NCKAP1: variants seen among roughly 807,000 people sequenced by gnomAD.
The protein encoded by NCKAP1 is nck-associated protein 1.
NCKAP1 carries 21 observed loss-of-function variants against 151.2 expected under a neutral mutation model. The ratio of observed to expected loss-of-function variants is 0.14; its 90% CI spans 0.10 to 0.20. The LOEUF (loss-of-function observed/expected upper bound fraction) is 0.20, where lower values mean the gene tolerates loss of function less well. NCKAP1 is among the 10% of genes least tolerant of loss of function. The probability of loss-of-function intolerance (pLI) is 1.00; values close to 1 mark genes in which losing one functional copy is unlikely to be tolerated. For missense variants in NCKAP1, 933 were observed against 1,352.1 expected, an observed-to-expected ratio of 0.69 and a Z score of 4.86; for synonymous variants, 484 against 451.8, an observed-to-expected ratio of 1.07 and a Z score of -0.90.
chr2:183,035,304 A>G (rs988840383), intron 1 of NCKAP1, among the ~76,000 whole-genome samples: 4 of 152,186 alleles, frequency 2.6e-5, no homozygotes, highest in Non-Finnish European at 5.9e-5. Flanking sequence ...AACATTCTTC[A>G]GTAATCATGC....
chr2:182,956,783 C>T (rs546056515), intron 19 of NCKAP1, 190 bp from the exon 20 acceptor site: 148 of 514,946 alleles, frequency 2.9e-4, no homozygotes, highest in African/African-American at 2.5e-3. Flanking sequence ...CTAAAGATGG[C>T]GTCATTTGTT....
intron 2 of NCKAP1, among the ~76,000 whole-genome samples, chr2:183,009,475 G>GAAGGAAGGAAGC (rs1485338665): frequency 0.034 from 3,350 of 99,512 alleles, 111 homozygotes; most frequent in East Asian, 0.064. Flanking sequence ...AGGAAGGAAG[G>GAAGGAAGGAAGC]AAGCAAGCAA....
At chr2:182,989,250 T>A in intron 8 of NCKAP1, 64 bp from the exon 9 acceptor site, 1 of 1,366,434 alleles carries the variant, frequency 7.3e-7, no homozygotes, top group Non-Finnish European at 1.0e-6. Flanking sequence ...TTGGTGACAG[T>A]GTAGCTTTTG....
chr2:183,001,011 C>T (rs755882345), intron 6 of NCKAP1, among the ~76,000 whole-genome samples: 10 of 152,278 alleles, frequency 6.6e-5, no homozygotes, highest in Non-Finnish European at 8.8e-5. Context: ...AGGAGAATCA[C>T]GAGCCCGGGA....
rs1040687697 is a variant in NCKAP1, at chr2:183,023,735, A to C, written c.219+71T>G. The C allele has an allele frequency of 1.1e-5, 13 of 1,192,594 alleles. No homozygotes were observed. In the Middle Eastern group the frequency reaches 7.8e-4, roughly 71 times the overall value. 73.9% of individuals were successfully genotyped at this position (1,192,594 alleles called of 1,614,324 possible). A position where few individuals can be genotyped will look rare whatever the true frequency, so the allele number is the denominator to read the frequency against. ...AATTAGGTAAATAAGAGCTACTATA[A>C]GCACTGTGTTGACCACTGTTTCTCT... is the stretch of plus-strand genomic sequence containing the variant. On this transcript the variant is annotated intron_variant, in intron 2 of 30. Transcript: ENST00000361354.
At position 182,921,544 on chromosome 2, in the gene NCKAP1, A is replaced by T. The variant is rs140911030; in HGVS notation, c.*4158T>A. On this transcript the variant is annotated 3_prime_UTR_variant, in exon 31 of 31. Transcript: ENST00000361354. The stretch of plus-strand genomic sequence containing the variant: ...AGGTGACCAAGATGCACCTGCACCA[A>T]GAGCACCAAGAGGATTGTCTCAATC... 2 of 152,374 alleles carry T rather than the reference A, an allele frequency of 1.3e-5. No homozygotes were observed. The highest frequency in any genetic ancestry group is 1.3e-4 in the Admixed American group (2 of 15,298). 9.4% of individuals were successfully genotyped at this position (152,374 alleles called of 1,614,324 possible). A position where few individuals can be genotyped will look rare whatever the true frequency, so the allele number is the denominator to read the frequency against.
intron 2 of NCKAP1, among the ~76,000 whole-genome samples, chr2:183,009,421 GGGAAGGAAGGAAGGAA>G (rs1168445882): frequency 4.1e-4 from 34 of 82,574 alleles, no homozygotes; most frequent in East Asian, 1.6e-3. Context: ...AAAGAGGGAA[GGGAAGGAAGGAAGGAA>G]GGAAGGAAGG....
intron 12 of NCKAP1, among the ~76,000 whole-genome samples, chr2:182,981,983 T>G (rs1384374696): frequency 5.4e-5 from 8 of 149,270 alleles, no homozygotes; most frequent in Non-Finnish European, 9.0e-5. Flanking sequence ...TCAAAAAATC[T>G]CAAATAAAAG....
At chr2:183,021,166 T>A (rs1018405289) in intron 2 of NCKAP1, among the ~76,000 whole-genome samples, 1 of 152,020 alleles carries the variant, frequency 6.6e-6, no homozygotes, top group Non-Finnish European at 1.5e-5. Flanking sequence ...TGAAAACATA[T>A]CCATACAAAA....
intron 16 of NCKAP1, among the ~76,000 whole-genome samples, 181 bp from the exon 17 acceptor site, chr2:182,964,989 TATTA>T (rs1294291035): frequency 6.6e-6 from 1 of 152,182 alleles, no homozygotes; most frequent in Non-Finnish European, 1.5e-5. Flanking sequence ...GTAATAAAAA[TATTA>T]TTTATATAAC....
At position 182,995,734 on chromosome 2, in the gene NCKAP1, A is replaced by C. The variant is rs1049185859; in HGVS notation, c.708T>G (p.Pro236=). The change falls in exon 7 of 31, where the codon CCT becomes CCG. Residue 236 remains proline, a synonymous_variant. Coordinates refer to ENST00000361354, the MANE Select transcript of NCKAP1 (RefSeq NM_013436.5). ...ACTGTGCTGGATTAAGCATTGTACT[A>C]GGTGCACTGATGAGGCTCAATAACT... ...NAQLLSLISA[P]STMLNPAQSD... is the part of the protein sequence containing the mutation. 6.2e-7 allele frequency: 1 copy of C among 1,614,010 alleles called. No homozygotes were observed. The highest frequency in any genetic ancestry group is 8.5e-7 in the Non-Finnish European group (1 of 1,179,872).
Position 182,925,663 on chromosome 2 carries a change from C to A in NCKAP1, c.*39G>T, listed in dbSNP as rs750102394. 3.7e-5 allele frequency: 47 copies of A among 1,260,848 alleles called. No individual in the cohort carries two copies. The Middle Eastern group carries it at 1.2e-3, about 31-fold the overall frequency. The allele number at this position is 1,260,848 out of a possible 1,614,324, so 78.1% of individuals were successfully genotyped here. ...CCACAGTCTACAGGTAAAACCAAGG[C>A]AACAAAAATGCGTGCTTATCTTGAT... On this transcript the variant is annotated 3_prime_UTR_variant, in exon 31 of 31. Coordinates refer to ENST00000361354, the MANE Select transcript of NCKAP1 (RefSeq NM_013436.5).
Position 182,999,777 on chromosome 2 carries a change from TAAAG to T in NCKAP1, c.603+2172_603+2175del, listed in dbSNP as rs543052990. ...AGGTGCCCATCAACACTGGACTGGA[TAAAG>T]AGAGTGTGGTATATATGCACCACGG... On this transcript the variant is annotated intron_variant, in intron 6 of 30. Coordinates refer to ENST00000361354, the MANE Select transcript of NCKAP1 (RefSeq NM_013436.5). Among the ~76,000 whole-genome samples the T allele has an allele frequency of 1.4e-3, 219 of 152,182 alleles. 1 individual carries two copies. The highest frequency in any genetic ancestry group is 2.0e-3 in the Non-Finnish European group (133 of 68,000).
At position 182,915,892 on chromosome 2, in the gene NCKAP1, A is replaced by C. The variant is rs967806662; in HGVS notation, c.*9810T>G. On this transcript the variant is annotated 3_prime_UTR_variant, in exon 31 of 31. Coordinates refer to ENST00000361354, the MANE Select transcript of NCKAP1 (RefSeq NM_013436.5). The stretch of plus-strand genomic sequence containing the variant: ...CACTTAAATTTTCAGATTTAAAAAT[A>C]ATTTTTTTGCTACGTGGAATGCCTT... 6.6e-6 allele frequency: 1 copy of C among 152,152 alleles called. No homozygotes were observed. The highest frequency in any genetic ancestry group is 2.4e-5 in the African/African-American group (1 of 41,432). 9.4% of individuals were successfully genotyped at this position (152,152 alleles called of 1,614,324 possible).
chr2:182,964,476 G>T (rs1013885425), intron 17 of NCKAP1, among the ~76,000 whole-genome samples, 200 bp downstream of exon 17: 1 of 152,024 alleles, frequency 6.6e-6, no homozygotes, highest in Non-Finnish European at 1.5e-5. Context: ...TTTATGGTAT[G>T]TTCTTATTAT....
At chr2:182,932,318 A>G (rs1196554183) in intron 26 of NCKAP1, among the ~76,000 whole-genome samples, 6 of 152,176 alleles carry the variant, frequency 3.9e-5, no homozygotes, top group Non-Finnish European at 8.8e-5. Flanking sequence ...ATATGCTGTA[A>G]TATGTATGAA....
rs1698236967 is a variant in NCKAP1 at position 182,994,842 on chromosome 2, T to C, written c.787A>G (p.Ile263Val). ...LSLDAMEKWI[I>V]FGFILCHGIL... ...AACACTAACCCATTTTACTTACAGA[T>C]AATCCACTTTTCCATTGCATCCAAA... The change falls in exon 8 of 31, where the codon ATC becomes GTC. Residue 263 changes from isoleucine to valine, a missense_variant. Coordinates refer to ENST00000361354, the MANE Select transcript of NCKAP1 (RefSeq NM_013436.5). 1.2e-6 allele frequency: 2 copies of C among 1,604,230 alleles called. No homozygotes were observed. Among genetic ancestry groups the C allele is most frequent in the Non-Finnish European group, 1.7e-6 (2 of 1,171,090 alleles).
chr2:183,038,379 C>A lies in NCKAP1; in HGVS notation c.-280G>T. ...CACCCCCGGCGCTCTCCGCCCCAGC[C>A]CCCAACGAGCCGCCTTCCCCGGCTG... On this transcript the variant is annotated 5_prime_UTR_variant, in exon 1 of 31. Coordinates refer to ENST00000361354, the MANE Select transcript of NCKAP1 (RefSeq NM_013436.5). 1 of 272,498 alleles carries A rather than the reference C, an allele frequency of 3.7e-6. No individual in the cohort carries two copies. Among genetic ancestry groups the A allele is most frequent in the Non-Finnish European group, 6.7e-6 (1 of 148,414 alleles). The allele number at this position is 272,498 out of a possible 1,614,324, so 16.9% of individuals were successfully genotyped here. A position where few individuals can be genotyped will look rare whatever the true frequency, so the allele number is the denominator to read the frequency against.
chr2:183,025,174 A>T (rs901931689), intron 1 of NCKAP1, among the ~76,000 whole-genome samples: 1 of 152,226 alleles, frequency 6.6e-6, no homozygotes, highest in Non-Finnish European at 1.5e-5. Flanking sequence ...AGTATAAAAT[A>T]AATTTATAGA....
Sources: gnomAD v4.1 joint callset for allele counts (sites outside exome capture counted in the v4.1 genomes callset) on GRCh38, gnomAD v4.1.1 for gene constraint, MANE v1.5 for transcripts, NCBI Gene and HGNC (gene_info 2026-07-23, HGNC 2026-07-21) for gene names.